The following FGGY variants were observed in gnomAD, a reference collection of about 807,000 sequenced individuals.
FGGY encodes FGGY carbohydrate kinase domain containing, also known as FGGY carbohydrate kinase domain-containing protein.
In FGGY, 72 loss-of-function variants were observed where a neutral mutation model predicts 71.3. The observed-to-expected ratio is 1.01, with a 90% CI of 0.84 to 1.23. The LOEUF is 1.23. FGGY is among the 50% of genes most tolerant of loss of function. The probability of loss-of-function intolerance (pLI) is 0.00; values close to 1 mark genes in which losing one functional copy is unlikely to be tolerated. For synonymous variants in FGGY, 251 were observed against 250.3 expected (o/e 1.00, Z -0.02); for missense variants, 668 against 682.3 (o/e 0.98, Z 0.23).
chr1:59,452,434 A>C (rs1258025288), intron 5 of FGGY, among the ~76,000 whole-genome samples: 3 of 152,174 alleles, frequency 2.0e-5, no homozygotes, highest in Non-Finnish European at 4.4e-5. Context: ...CAGTATTTAT[A>C]CTTCCAGAAA....
At chr1:59,389,094 T>C (rs835432) in intron 5 of FGGY, among the ~76,000 whole-genome samples, 60,794 of 151,926 alleles carry the variant, frequency 0.4, 13,272 homozygotes, top group African/African-American at 0.57. Context: ...ACTACAGGTG[T>C]GTGCCACCAC....
In FGGY at chr1:59,542,445, C is replaced by CTTTTTTTTTTTTTTTTTT. The variant is rs754831417; in HGVS notation, c.800-11665_800-11648dup. On this transcript the variant is annotated intron_variant, in intron 7 of 15. Transcript: ENST00000303721. The stretch of plus-strand genomic sequence containing the variant: ...GCCAAGACTATATGTATGTTCTTTA[C>CTTTTTTTTTTTTTTTTTT]TTTTTTTTTTTTTTTTTTTTTTTTT... Among the ~76,000 whole-genome samples the CTTTTTTTTTTTTTTTTTT allele has an allele frequency of 1.8e-4, 6 of 34,258 alleles. 1 individual carries two copies. Among genetic ancestry groups the CTTTTTTTTTTTTTTTTTT allele is most frequent in the Non-Finnish European group, 1.7e-4 (3 of 17,784 alleles). The allele number at this position is 34,258 out of a possible 152,430, so 22.5% of individuals were successfully genotyped here. A position where few individuals can be genotyped will look rare whatever the true frequency, so the allele number is the denominator to read the frequency against.
Position 59,342,458 on chromosome 1 carries a change from G to T in FGGY, c.313+2389G>T, listed in dbSNP as rs74085965. 2.7e-3 allele frequency among the ~76,000 whole-genome samples: 418 copies of T among 152,226 alleles called. 1 individual carries two copies. Among genetic ancestry groups the T allele is most frequent in the African/African-American group, 9.7e-3 (405 of 41,542 alleles). On this transcript the variant is annotated intron_variant, in intron 3 of 15. Transcript: ENST00000303721. ...AATCCTCTATTAAAAAGGTAACTAG[G>T]TTATCACTCTAATTATAAGTGTTGA...
At chr1:59,563,361 GT>G (rs1275149216) in intron 8 of FGGY, among the ~76,000 whole-genome samples, 1 of 152,088 alleles carries the variant, frequency 6.6e-6, no homozygotes, top group Non-Finnish European at 1.5e-5. Flanking sequence ...TAATCATGTG[GT>G]TTTTGTCATT....
chr1:59,494,165 C>T (rs990350063), intron 6 of FGGY, among the ~76,000 whole-genome samples: 5 of 152,168 alleles, frequency 3.3e-5, no homozygotes, highest in African/African-American at 1.2e-4. Flanking sequence ...AGTAAGGTTA[C>T]ATCACATTAC....
intron 7 of FGGY, among the ~76,000 whole-genome samples, chr1:59,536,561 A>T (rs2095320495): frequency 6.6e-6 from 1 of 152,226 alleles, no homozygotes; most frequent in African/African-American, 2.4e-5. Flanking sequence ...CTTGATGAAC[A>T]CTGATGCAAA....
chr1:59,428,075 G>T (rs181088060), intron 5 of FGGY, among the ~76,000 whole-genome samples: 2 of 152,330 alleles, frequency 1.3e-5, no homozygotes, highest in East Asian at 1.9e-4. Flanking sequence ...TGCCAAGTGT[G>T]TGACAGTGGC....
At chr1:59,434,706 AGACGGGAGGAGTAAAT>A (rs1164007694) in intron 5 of FGGY, among the ~76,000 whole-genome samples, 1 of 152,158 alleles carries the variant, frequency 6.6e-6, no homozygotes, top group African/African-American at 2.4e-5. Context: ...TGTCCTCAAA[AGACGGGAGGAGTAAAT>A]GAGCTTTCTG....
intron 7 of FGGY, among the ~76,000 whole-genome samples, chr1:59,530,459 T>C (rs777364546): frequency 2.4e-4 from 36 of 152,282 alleles, no homozygotes; most frequent in African/African-American, 7.7e-4. Flanking sequence ...CCCATTCTGA[T>C]TGGACAAACA....
At chr1:59,425,077 A>G (rs1442466575) in intron 5 of FGGY, among the ~76,000 whole-genome samples, 3 of 152,210 alleles carry the variant, frequency 2.0e-5, no homozygotes, top group Admixed American at 1.3e-4. Flanking sequence ...AATGAAATCA[A>G]TATTACTTCC....
chr1:59,617,787 T>A (rs1474985630), intron 9 of FGGY, among the ~76,000 whole-genome samples: 6 of 152,076 alleles, frequency 3.9e-5, no homozygotes, highest in Admixed American at 3.3e-4. Flanking sequence ...CCTAAGCCAC[T>A]GCTATGGTGG....
intron 3 of FGGY, among the ~76,000 whole-genome samples, chr1:59,341,389 A>G (rs1360702526): frequency 7.2e-5 from 11 of 152,228 alleles, no homozygotes; most frequent in Non-Finnish European, 1.3e-4. Context: ...ATGATCATCT[A>G]TTTGCATCCC....
intron 8 of FGGY, among the ~76,000 whole-genome samples, chr1:59,573,787 C>T (rs2096030332): frequency 6.6e-6 from 1 of 152,138 alleles, no homozygotes; most frequent in African/African-American, 2.4e-5. Flanking sequence ...TGTTCAATCT[C>T]AAATGGTGTA....
At chr1:59,451,165 G>C (rs2072610644) in intron 5 of FGGY, among the ~76,000 whole-genome samples, 1 of 151,250 alleles carries the variant, frequency 6.6e-6, no homozygotes, top group Admixed American at 6.6e-5. Context: ...TTTATTCCTT[G>C]TTACTTTGAG....
At chr1:59,660,462 C>T (rs1293776055) in intron 12 of FGGY, 169 bp downstream of exon 12, 7 of 484,706 alleles carry the variant, frequency 1.4e-5, no homozygotes, top group African/African-American at 9.8e-5. Context: ...GATGAAAGGC[C>T]TCACCTGCTT....
intron 6 of FGGY, among the ~76,000 whole-genome samples, chr1:59,480,637 C>T (rs912601009): frequency 2.0e-5 from 3 of 152,118 alleles, no homozygotes; most frequent in Non-Finnish European, 4.4e-5. Flanking sequence ...GGTAAGCAAC[C>T]TGGAGTCCCA....
At chr1:59,567,961 T>G (rs1435141853) in intron 8 of FGGY, among the ~76,000 whole-genome samples, 1 of 151,804 alleles carries the variant, frequency 6.6e-6, no homozygotes, top group African/African-American at 2.4e-5. Context: ...CATCCTGTGT[T>G]CTAGCAGGTG....
chr1:59,330,115 A>C (rs12561880), intron 2 of FGGY, among the ~76,000 whole-genome samples: 1 of 152,144 alleles, frequency 6.6e-6, no homozygotes, highest in Non-Finnish European at 1.5e-5. Flanking sequence ...TTTTGTTATC[A>C]AATAATAAAA....
chr1:59,686,706 T>G (rs543307319), intron 14 of FGGY, among the ~76,000 whole-genome samples: 1 of 152,242 alleles, frequency 6.6e-6, no homozygotes, highest in African/African-American at 2.4e-5. Context: ...TCTAGTACCC[T>G]CTCTTTTACT....
Sources: gnomAD v4.1 joint callset for allele counts (sites outside exome capture counted in the v4.1 genomes callset) on GRCh38, gnomAD v4.1.1 for gene constraint, MANE v1.5 for transcripts, NCBI Gene and HGNC (gene_info 2026-07-23, HGNC 2026-07-21) for gene names.